RIN3: variants seen among roughly 807,000 people sequenced by gnomAD.
RIN3 encodes the protein RAB5 interacting protein 3.
RIN3 carries 54 observed loss-of-function variants against 76.3 expected under a neutral mutation model. That is an observed-to-expected ratio of 0.71 (90% confidence interval 0.57 to 0.89). The LOEUF (loss-of-function observed/expected upper bound fraction) is 0.89, where lower values mean the gene tolerates loss of function less well. Ranked by LOEUF, RIN3 falls within the 40% of genes least tolerant of loss-of-function variation. RIN3 has a pLI of 0.00. For missense variants in RIN3, 1,256 were observed against 1,322.1 expected, an observed-to-expected ratio of 0.95 and a Z score of 0.78; for synonymous variants, 576 against 564.0, an observed-to-expected ratio of 1.02 and a Z score of -0.30.
intron 1 of RIN3, among the ~76,000 whole-genome samples, chr14:92,544,661 T>C (rs1465534234): frequency 1.3e-5 from 2 of 152,098 alleles, no homozygotes; most frequent in African/African-American, 4.8e-5. Context: ...TTTCCTCGAC[T>C]TGTGGCATGC....
At chr14:92,538,575 T>G (rs1473261549) in intron 1 of RIN3, among the ~76,000 whole-genome samples, 1 of 152,180 alleles carries the variant, frequency 6.6e-6, no homozygotes, top group Non-Finnish European at 1.5e-5. Flanking sequence ...CACGTGGCAG[T>G]GAACATCTTT....
chr14:92,592,421 A>G (rs1213410221), intron 3 of RIN3, among the ~76,000 whole-genome samples: 4 of 148,560 alleles, frequency 2.7e-5, no homozygotes, highest in African/African-American at 5.0e-5. Flanking sequence ...AAAAAAAGGT[A>G]CAGTTGTTCC....
rs762535531 is a variant in RIN3 at position 92,685,093 on chromosome 14, C to T, written c.2574C>T (p.His858=). Residue 858 remains histidine, a synonymous_variant, in exon 9 of 10, where the codon CAC becomes CAT. Coordinates refer to ENST00000216487, the MANE Select transcript of RIN3 (RefSeq NM_024832.5). The surrounding 1 kb of genome is among the most constrained non-coding windows in gnomAD (Gnocchi z 4.7). ...QLSVEVQDSI[H]RWERRRTLNK... is the part of the protein sequence containing the mutation. ...GTGTGGAGGTGCAGGACTCCATCCA[C>T]CGCTGGGAGCGCCGGCGTACTCTCA... 10 of 1,613,774 alleles carry T rather than the reference C, an allele frequency of 6.2e-6. No homozygotes were observed. The South Asian group carries it at 9.9e-5, about 16-fold the overall frequency.
chr14:92,554,731 G>A lies in RIN3; in HGVS notation c.45-1020G>A, dbSNP rs556095678. Among the ~76,000 whole-genome samples the A allele has an allele frequency of 3.3e-5, 5 of 152,270 alleles. No individual in the cohort carries two copies. In the South Asian group the frequency reaches 1.0e-3, roughly 32 times the overall value. ...AGGTCAGGAGTTTGAGACCAGTCTG[G>A]CTAACATGGTGAAACCCTGTCTCTA... On this transcript the variant is annotated intron_variant, in intron 1 of 9. Transcript: ENST00000216487.
Position 92,529,410 on chromosome 14 carries a change from G to C in RIN3, c.44+15434G>C, listed in dbSNP as rs191765497. ...ATTACAGGCGCGTGCCACCACGCCC[G>C]GCTAATTTTTTGTATTTTTAGTAGA... is the stretch of plus-strand genomic sequence containing the variant. On this transcript the variant is annotated intron_variant, in intron 1 of 9. Coordinates refer to ENST00000216487, the MANE Select transcript of RIN3 (RefSeq NM_024832.5). Among the ~76,000 whole-genome samples the C allele has an allele frequency of 4.8e-4, 73 of 151,948 alleles. 2 individuals are homozygous for C. Among genetic ancestry groups the C allele is most frequent in the Admixed American group, 4.8e-3 (73 of 15,246 alleles).
intron 3 of RIN3, among the ~76,000 whole-genome samples, chr14:92,583,625 T>C (rs969266971): frequency 1.3e-5 from 2 of 152,142 alleles, no homozygotes; most frequent in African/African-American, 4.8e-5. Context: ...GTATAACAAC[T>C]GTGTATATAG....
chr14:92,555,645 C>A, intron 1 of RIN3, 106 bp from the exon 2 acceptor site: 1 of 1,043,858 alleles, frequency 9.6e-7, no homozygotes, highest in African/African-American at 1.6e-5. Context: ...GGGCCACTGA[C>A]TACCTCATGC....
At position 92,688,406 on chromosome 14, in the gene RIN3, T is replaced by G; in HGVS notation, c.*154T>G. 2 of 719,378 alleles carry G rather than the reference T, an allele frequency of 2.8e-6. No homozygotes were observed. The highest frequency in any genetic ancestry group is 4.4e-6 in the Non-Finnish European group (2 of 451,886). 44.6% of individuals were successfully genotyped at this position (719,378 alleles called of 1,614,324 possible). A position where few individuals can be genotyped will look rare whatever the true frequency, so the allele number is the denominator to read the frequency against. ...TCGCAGGACAGTTGTGAAAATAACA[T>G]GACGCTCGTCCAAGGCCACTTCCTG... On this transcript the variant is annotated 3_prime_UTR_variant, in exon 10 of 10. Transcript: ENST00000216487.
At chr14:92,601,598 C>T (rs879579483) in intron 3 of RIN3, among the ~76,000 whole-genome samples, 1 of 152,330 alleles carries the variant, frequency 6.6e-6, no homozygotes, top group East Asian at 1.9e-4. Flanking sequence ...CTCCCCGTCC[C>T]CTCTGCTCCC....
In RIN3 at chr14:92,628,109, A is replaced by G. The variant is rs1886424557; in HGVS notation, c.440+12630A>G. 3.9e-5 allele frequency among the ~76,000 whole-genome samples: 6 copies of G among 152,230 alleles called. 1 individual carries two copies. The South Asian group carries it at 1.2e-3, about 32-fold the overall frequency. On this transcript the variant is annotated intron_variant, in intron 4 of 9. Transcript: ENST00000216487. ...GTTTGACAGGGAGAACAGGTACAGT[A>G]TATCTTGGGTGTGTTTAGGCACAGT...
chr14:92,668,948 T>C (rs919294848), intron 7 of RIN3, among the ~76,000 whole-genome samples: 1 of 152,236 alleles, frequency 6.6e-6, no homozygotes, highest in Non-Finnish European at 1.5e-5. Flanking sequence ...CATACGTTTT[T>C]ATCAAATAAA....
chr14:92,676,825 G>A (rs534421774), intron 8 of RIN3, among the ~76,000 whole-genome samples: 42 of 152,276 alleles, frequency 2.8e-4, no homozygotes, highest in African/African-American at 7.9e-4. Context: ...CCACCTCCAC[G>A]TAACAAGTGC....
At chr14:92,680,174 A>AG (rs1043244318) in intron 8 of RIN3, among the ~76,000 whole-genome samples, 2 of 150,386 alleles carry the variant, frequency 1.3e-5, no homozygotes, top group Non-Finnish European at 2.9e-5. Flanking sequence ...TTCACATGGC[A>AG]GAAGGGACAG....
intron 6 of RIN3, among the ~76,000 whole-genome samples, chr14:92,653,980 T>C (rs913502710): frequency 2.6e-5 from 4 of 152,182 alleles, no homozygotes; most frequent in African/African-American, 9.7e-5. Flanking sequence ...ATCCTGCCAC[T>C]GTACTCCAGT....
intron 1 of RIN3, among the ~76,000 whole-genome samples, chr14:92,554,388 C>T (rs1320521512): frequency 6.6e-6 from 1 of 152,118 alleles, no homozygotes; most frequent in African/African-American, 2.4e-5. Flanking sequence ...TTTGACTTTG[C>T]TGTTTCTTGG....
At chr14:92,594,841 A>T (rs1885100244) in intron 3 of RIN3, among the ~76,000 whole-genome samples, 1 of 152,240 alleles carries the variant, frequency 6.6e-6, no homozygotes, top group African/African-American at 2.4e-5. Context: ...GCTTCCATAA[A>T]TAGTTTAGGC....
intron 8 of RIN3, among the ~76,000 whole-genome samples, chr14:92,680,108 A>G (rs1325019242): frequency 6.6e-6 from 1 of 151,718 alleles, no homozygotes; most frequent in Non-Finnish European, 1.5e-5. Flanking sequence ...CAGCAGACTC[A>G]GTGTCTGGTG....
intron 4 of RIN3, among the ~76,000 whole-genome samples, chr14:92,638,309 C>T (rs566990887): frequency 9.2e-5 from 14 of 152,252 alleles, no homozygotes; most frequent in Admixed American, 5.9e-4. Context: ...GGAAGATAAG[C>T]GTGATCATTT....
intron 2 of RIN3, among the ~76,000 whole-genome samples, chr14:92,560,195 A>G (rs542165625): frequency 3.0e-4 from 46 of 152,328 alleles, no homozygotes; most frequent in Middle Eastern, 3.4e-3. Flanking sequence ...GCCGAGGCCC[A>G]GAGAACTCTG....
Sources: gnomAD v4.1 joint callset for allele counts (sites outside exome capture counted in the v4.1 genomes callset) on GRCh38, gnomAD v4.1.1 for gene constraint, Gnocchi (gnomAD v3.1) non-coding constraint, MANE v1.5 for transcripts, NCBI Gene and HGNC (gene_info 2026-07-23, HGNC 2026-07-21) for gene names.